Variants in DLGAP4 observed in about 807,000 individuals in gnomAD.
DLGAP4 encodes disks large-associated protein 4.
A neutral mutation model predicts 86.9 loss-of-function variants in DLGAP4; 18 were observed. That is an observed-to-expected ratio of 0.21 (90% CI 0.14 to 0.31). DLGAP4 has a LOEUF of 0.31. Among genes scored for constraint, DLGAP4 ranks in the 10% least tolerant of loss-of-function variants. The pLI, the probability that DLGAP4 is intolerant of heterozygous loss-of-function variation, is 1.00. For synonymous variants in DLGAP4, 548 were observed against 574.3 expected, an observed-to-expected ratio of 0.95 and a Z score of 0.65; for missense variants, 1,085 against 1,362.6, an observed-to-expected ratio of 0.80 and a Z score of 3.21.
intron 1 of DLGAP4, among the ~76,000 whole-genome samples, chr20:36,322,201 A>G (rs4239689): frequency 0.45 from 68,363 of 151,968 alleles, 17,230 homozygotes; most frequent in African/African-American, 0.69. Flanking sequence ...AAAACATTCC[A>G]GCAGAGGGAA....
intron 2 of DLGAP4, among the ~76,000 whole-genome samples, chr20:36,403,292 A>T (rs191010684): frequency 6.6e-6 from 1 of 152,336 alleles, no homozygotes; most frequent in East Asian, 1.9e-4. Flanking sequence ...CAATGGAAAG[A>T]GGAGGTGAAC....
chr20:36,341,790 C>T (rs772333705), intron 1 of DLGAP4, among the ~76,000 whole-genome samples: 2 of 152,174 alleles, frequency 1.3e-5, no homozygotes, highest in Non-Finnish European at 2.9e-5. Flanking sequence ...ACCCAGACAT[C>T]GGGGGAAGGG....
Position 36,496,784 on chromosome 20 carries a change from C to T in DLGAP4, c.1728C>T (p.Val576=). ...PRTTSKPFIS[V]TVQSSTESAQ... ...CCACTTCAAAGCCGTTCATCTCAGT[C>T]ACAGTCCAGAGCAGTACTGAGTCTG... The change falls in exon 8 of 13, where the codon GTC becomes GTT. Residue 576 remains valine, a synonymous_variant. Transcript: ENST00000339266. The T allele has an allele frequency of 6.2e-7, 1 of 1,614,192 alleles. No homozygotes were observed. Among genetic ancestry groups the T allele is most frequent in the Admixed American group, 1.7e-5 (1 of 60,030 alleles).
intron 8 of DLGAP4, 147 bp downstream of exon 8, chr20:36,497,213 G>A (rs935512760): frequency 2.0e-5 from 29 of 1,448,308 alleles, no homozygotes; most frequent in South Asian, 5.9e-5. Flanking sequence ...TGGCCAAACC[G>A]AATTCCACCC....
rs539610322 is a variant in DLGAP4, at chr20:36,446,557, C to T, written c.1408-140C>T. ...AAGGGCTCCATCTCCCCATCCCATA[C>T]GCTGAGTGAGATGGACAGGGGTGGG... is the stretch of plus-strand genomic sequence containing the variant. On this transcript the variant is annotated intron_variant, in intron 6 of 12. Transcript: ENST00000339266. 5.3e-5 allele frequency: 40 copies of T among 750,466 alleles called. No homozygotes were observed. In the East Asian group the frequency reaches 5.4e-4, roughly 10 times the overall value. 46.5% of individuals were successfully genotyped at this position (750,466 alleles called of 1,614,324 possible).
rs1332715955 is a variant in DLGAP4, at chr20:36,306,372, G to C, written c.-444G>C. On this transcript the variant is annotated 5_prime_UTR_variant, in exon 1 of 13. Coordinates refer to ENST00000339266, the MANE Select transcript of DLGAP4 (RefSeq NM_001365621.2). The surrounding 1 kb of genome is among the most constrained non-coding windows in gnomAD (Gnocchi z 4.9). The stretch of plus-strand genomic sequence containing the variant: ...ATCTGGGGCGCCGCGCCGGCCGGAG[G>C]AGAGGCATGGGGCGCCCGCGGGCCG... 1 of 149,816 alleles carries C rather than the reference G, an allele frequency of 6.7e-6. No individual in the cohort carries two copies. The highest frequency in any genetic ancestry group is 2.4e-5 in the African/African-American group (1 of 41,114). 9.3% of individuals were successfully genotyped at this position (149,816 alleles called of 1,614,324 possible). A position where few individuals can be genotyped will look rare whatever the true frequency, so the allele number is the denominator to read the frequency against.
intron 7 of DLGAP4, among the ~76,000 whole-genome samples, chr20:36,475,491 G>A (rs2034871076): frequency 6.6e-6 from 1 of 152,156 alleles, no homozygotes; most frequent in Non-Finnish European, 1.5e-5. Flanking sequence ...TTACAGGCGT[G>A]AGCCACCAAG....
chr20:36,349,669 C>T (rs1466551139), intron 1 of DLGAP4, among the ~76,000 whole-genome samples: 1 of 151,926 alleles, frequency 6.6e-6, no homozygotes. Context: ...ATAAAAAGGG[C>T]GATGGATATG....
At chr20:36,440,949 G>C (rs1326760369) in intron 5 of DLGAP4, among the ~76,000 whole-genome samples, 1 of 152,036 alleles carries the variant, frequency 6.6e-6, no homozygotes, top group Non-Finnish European at 1.5e-5. Context: ...CATTATTCCT[G>C]GCCTAGCCAA....
rs1399355868 is a variant in DLGAP4, at chr20:36,309,568, C to G, written c.-304+3056C>G. On this transcript the variant is annotated intron_variant, in intron 1 of 12. Transcript: ENST00000339266. ...CTGTGGGAGTTACAGGCCTGTAGCC[C>G]CTAAAGTCCCAGCAGGTCTGTGGGA... 2.0e-5 allele frequency among the ~76,000 whole-genome samples: 3 copies of G among 152,172 alleles called. No individual in the cohort carries two copies. The East Asian group carries it at 5.8e-4, about 29-fold the overall frequency.
At chr20:36,496,159 A>G (rs1025034704) in intron 7 of DLGAP4, among the ~76,000 whole-genome samples, 5 of 152,112 alleles carry the variant, frequency 3.3e-5, no homozygotes, top group Non-Finnish European at 7.4e-5. Flanking sequence ...GGCGTGAGCC[A>G]CTGCGCCCGG....
chr20:36,468,318 G>A (rs2034509345), intron 7 of DLGAP4, among the ~76,000 whole-genome samples: 2 of 152,258 alleles, frequency 1.3e-5, no homozygotes, highest in African/African-American at 4.8e-5. Flanking sequence ...CCACAAAGGC[G>A]GGAAGGGACT....
rs142445344 is a variant in DLGAP4 at position 36,430,190 on chromosome 20, G to A, written c.-72-1456G>A. On this transcript the variant is annotated intron_variant, in intron 2 of 12. Transcript: ENST00000339266. ...CCATTTTACAACAGGGGAAACTGAGGCACAGCAACTGCACCTAAATGCCAC... is the reference window on the plus strand; with the variant it reads ...CCATTTTACAACAGGGGAAACTGAGACACAGCAACTGCACCTAAATGCCAC... Among the ~76,000 whole-genome samples the A allele has an allele frequency of 1.9e-4, 29 of 152,334 alleles. 1 individual carries two copies. The East Asian group carries it at 5.6e-3, about 29-fold the overall frequency.
chr20:36,312,743 G>A (rs1168231172), intron 1 of DLGAP4, among the ~76,000 whole-genome samples: 3 of 152,126 alleles, frequency 2.0e-5, no homozygotes, highest in South Asian at 2.1e-4. Context: ...TCTGCACCCC[G>A]GGTGCTGGGC....
chr20:36,505,982 C>T lies in DLGAP4; in HGVS notation c.2512+5371C>T, dbSNP rs1010718897. Among the ~76,000 whole-genome samples the T allele has an allele frequency of 2.0e-5, 3 of 152,104 alleles. No individual in the cohort carries two copies. In the East Asian group the frequency reaches 5.8e-4, roughly 29 times the overall value. On this transcript the variant is annotated intron_variant, in intron 10 of 12. Coordinates refer to ENST00000339266, the MANE Select transcript of DLGAP4 (RefSeq NM_001365621.2). Reference sequence around the variant, plus strand: ...ATAAGTAGATCTTTGCAGTGCAAACCTGTGTTGTTCAAGGGTCAGCTGTAT... The same window carrying T: ...ATAAGTAGATCTTTGCAGTGCAAACTTGTGTTGTTCAAGGGTCAGCTGTAT...
intron 2 of DLGAP4, among the ~76,000 whole-genome samples, chr20:36,423,740 T>C (rs1320132402): frequency 6.6e-6 from 1 of 151,984 alleles, no homozygotes; most frequent in Non-Finnish European, 1.5e-5. Flanking sequence ...GGCGGGTGGA[T>C]CATCTGAGGT....
chr20:36,469,278 C>G (rs986138252), intron 7 of DLGAP4, among the ~76,000 whole-genome samples: 1 of 152,094 alleles, frequency 6.6e-6, no homozygotes, highest in African/African-American at 2.4e-5. Flanking sequence ...AGCAGCACAC[C>G]GAGATCTAGC....
chr20:36,420,566 A>G (rs1045524153), intron 2 of DLGAP4, among the ~76,000 whole-genome samples: 1 of 152,138 alleles, frequency 6.6e-6, no homozygotes, highest in Non-Finnish European at 1.5e-5. Context: ...GGCCAGGCGC[A>G]GTGACCCACA....
chr20:36,368,138 A>G (rs2030765903), intron 2 of DLGAP4, among the ~76,000 whole-genome samples: 1 of 152,162 alleles, frequency 6.6e-6, no homozygotes, highest in Admixed American at 6.5e-5. Context: ...ATAGCTGTGG[A>G]AGGAAGGAAA....
Sources: gnomAD v4.1 joint callset for allele counts (sites outside exome capture counted in the v4.1 genomes callset) on GRCh38, gnomAD v4.1.1 for gene constraint, Gnocchi (gnomAD v3.1) non-coding constraint, MANE v1.5 for transcripts, NCBI Gene and HGNC (gene_info 2026-07-23, HGNC 2026-07-21) for gene names.